The following WDR20 variants were observed in gnomAD, a reference collection of about 807,000 sequenced individuals.
WDR20 encodes the protein WD repeat domain 20, also known as WD repeat-containing protein 20.
WDR20 carries 3 observed loss-of-function variants against 38.7 expected under a neutral mutation model. The ratio of observed to expected loss-of-function variants is 0.08; its 90% CI spans 0.04 to 0.20. WDR20 has a LOEUF of 0.20. Among genes scored for constraint, WDR20 ranks in the 10% least tolerant of loss-of-function variants. The pLI is 1.00. For missense variants in WDR20, 559 were observed against 727.7 expected (o/e 0.77, Z 2.67); for synonymous variants, 298 against 285.6 (o/e 1.04, Z -0.44).
chr14:102,188,872 C>CAAAAA (rs34508888), intron 1 of WDR20, among the ~76,000 whole-genome samples: 1 of 97,544 alleles, frequency 1.0e-5, no homozygotes, highest in African/African-American at 3.8e-5. Context: ...GACCCTGTTT[C>CAAAAA]AAAAAAAAAA....
chr14:102,139,841 G>T, upstream of WDR20: 1 of 1,556,944 alleles, frequency 6.4e-7, no homozygotes, highest in Non-Finnish European at 8.7e-7. Context: ...GCAGGGGGTG[G>T]GGGAAGAGGG....
chr14:102,212,725 T>G (rs1472451621), downstream of WDR20: 2 of 1,460,904 alleles, frequency 1.4e-6, no homozygotes, highest in Non-Finnish European at 9.0e-7. Context: ...TGATATCAGG[T>G]GTGTAAGGTG....
chr14:102,212,627 G>A (rs899129296), downstream of WDR20: 1 of 1,535,000 alleles, frequency 6.5e-7, no homozygotes, highest in Non-Finnish European at 8.7e-7. Flanking sequence ...AGAGGGGCAG[G>A]GAAGCGCCCT....
intron 1 of WDR20, among the ~76,000 whole-genome samples, chr14:102,171,933 A>G (rs546465892): frequency 2.4e-4 from 27 of 113,680 alleles, no homozygotes; most frequent in South Asian, 5.3e-4. Context: ...TTTTATTTTT[A>G]TTGATCATTC....
intron 1 of WDR20, among the ~76,000 whole-genome samples, chr14:102,144,772 T>C (rs1356365080): frequency 6.6e-6 from 1 of 151,978 alleles, no homozygotes; most frequent in African/African-American, 2.4e-5. Context: ...GATGTGATCT[T>C]GGCTCACTGC....
At position 102,139,966 on chromosome 14, in the gene WDR20, A is replaced by T. The variant is rs1261774867; in HGVS notation, c.43A>T (p.Thr15Ser). 2 of 1,614,038 alleles carry T rather than the reference A, an allele frequency of 1.2e-6. No individual in the cohort carries two copies. The highest frequency in any genetic ancestry group is 1.7e-5 in the Admixed American group (1 of 60,022). The change falls in exon 1 of 3, where the codon ACC becomes TCC. Residue 15 changes from threonine to serine, a missense_variant. By Grantham distance (58) the Thr-to-Ser change is moderately conservative. Coordinates refer to ENST00000342702, the MANE Select transcript of WDR20 (RefSeq NM_144574.4). ...GGGKEMNEIK[T>S]QFTTREGLYK... The stretch of plus-strand genomic sequence containing the variant: ...AGGGAAGGAGATGAACGAGATTAAG[A>T]CCCAATTCACCACCCGGGAAGGTCT...
chr14:102,154,794 A>G (rs867217943), intron 1 of WDR20, among the ~76,000 whole-genome samples: 2 of 152,194 alleles, frequency 1.3e-5, no homozygotes, highest in African/African-American at 2.4e-5. Flanking sequence ...ATTGGTGAGA[A>G]TGATAACTTC....
intron 1 of WDR20, among the ~76,000 whole-genome samples, chr14:102,161,461 G>A (rs549268598): frequency 4.6e-5 from 7 of 151,612 alleles, no homozygotes; most frequent in Admixed American, 2.0e-4. Context: ...CTACAGGCTC[G>A]AGCCACTGTG....
At chr14:102,178,086 A>G (rs2062551492) in intron 1 of WDR20, among the ~76,000 whole-genome samples, 1 of 152,126 alleles carries the variant, frequency 6.6e-6, no homozygotes, top group African/African-American at 2.4e-5. Context: ...TGAGATCTGT[A>G]TATATGGGGT....
chr14:102,205,428 C>G (rs886538606), intron 2 of WDR20, among the ~76,000 whole-genome samples: 1 of 152,162 alleles, frequency 6.6e-6, no homozygotes, highest in Non-Finnish European at 1.5e-5. Flanking sequence ...TGACTCAGGA[C>G]AGAGGATCCG....
chr14:102,155,225 G>A (rs570871645), intron 1 of WDR20, among the ~76,000 whole-genome samples: 1 of 152,248 alleles, frequency 6.6e-6, no homozygotes, highest in African/African-American at 2.4e-5. Context: ...TTTAGGATTA[G>A]TGAGATAATT....
At chr14:102,210,809 A>G (rs2062403845), downstream of WDR20, among the ~76,000 whole-genome samples, 1 of 152,124 alleles carries the variant, frequency 6.6e-6, no homozygotes, top group Admixed American at 6.6e-5. Flanking sequence ...TGTTTCGTAA[A>G]GCCTGAGACT....
chr14:102,176,813 A>G (rs1256300290), intron 1 of WDR20, among the ~76,000 whole-genome samples: 2 of 151,662 alleles, frequency 1.3e-5, no homozygotes, highest in East Asian at 1.9e-4. Flanking sequence ...GGCTTATTGC[A>G]AGCTCCGCCT....
intron 2 of WDR20, chr14:102,197,972 T>C: frequency 1.8e-6 from 1 of 561,710 alleles, no homozygotes. Flanking sequence ...CTGTGACCCC[T>C]CTCAGGAGGG....
intron 2 of WDR20, among the ~76,000 whole-genome samples, chr14:102,203,104 T>C (rs997851561): frequency 2.6e-5 from 4 of 152,186 alleles, no homozygotes; most frequent in African/African-American, 4.8e-5. Flanking sequence ...CACCCCACCT[T>C]GCATTCTGCA....
At chr14:102,171,948 G>T (rs1395163534) in intron 1 of WDR20, among the ~76,000 whole-genome samples, 2 of 148,558 alleles carry the variant, frequency 1.3e-5, no homozygotes, top group African/African-American at 5.0e-5. Context: ...TCATTCTTGG[G>T]TGTTTCTCAC....
At chr14:102,223,513 G>A (rs1172486921) in exon 4 of WDR20, 2 of 152,380 alleles carry the variant, frequency 1.3e-5, no homozygotes, top group Admixed American at 6.6e-5. Flanking sequence ...TTTATTTTAC[G>A]TAAAATAAAC....
At chr14:102,151,946 C>T (rs988936244) in intron 1 of WDR20, among the ~76,000 whole-genome samples, 10 of 150,682 alleles carry the variant, frequency 6.6e-5, no homozygotes, top group East Asian at 2.0e-4. Flanking sequence ...GACACAGGGT[C>T]GGTCTCGCTC....
intron 1 of WDR20, among the ~76,000 whole-genome samples, chr14:102,145,947 G>A (rs1224341678): frequency 1.3e-5 from 2 of 151,784 alleles, no homozygotes; most frequent in Non-Finnish European, 2.9e-5. Context: ...AGGATTCTAA[G>A]GTTTTTCCAT....
Sources: gnomAD v4.1 joint callset for allele counts (sites outside exome capture counted in the v4.1 genomes callset) on GRCh38, gnomAD v4.1.1 for gene constraint, MANE v1.5 for transcripts, NCBI Gene and HGNC (gene_info 2026-07-23, HGNC 2026-07-21) for gene names.